USP45: variants seen among roughly 807,000 people sequenced by gnomAD.
USP45 encodes the protein ubiquitin specific peptidase 45.
USP45 carries 89 observed loss-of-function variants against 95.8 expected under a neutral mutation model. The observed-to-expected ratio is 0.93, with a 90% confidence interval of 0.78 to 1.11. The LOEUF is 1.11. Among genes scored for constraint, USP45 ranks in the 50% least tolerant of loss-of-function variants. USP45 has a pLI of 0.00. For synonymous variants in USP45, 281 were observed against 316.2 expected (o/e 0.89, Z 1.18); for missense variants, 898 against 942.5 (o/e 0.95, Z 0.62).
At chr6:99,466,289 G>C (rs889445064) in intron 11 of USP45, among the ~76,000 whole-genome samples, 5 of 152,076 alleles carry the variant, frequency 3.3e-5, no homozygotes, top group Non-Finnish European at 7.4e-5. Context: ...CAAAGTACTG[G>C]GATTATAGGC....
At chr6:99,499,816 T>A (rs1797019507) in intron 5 of USP45, among the ~76,000 whole-genome samples, 1 of 152,240 alleles carries the variant, frequency 6.6e-6, no homozygotes, top group Non-Finnish European at 1.5e-5. Flanking sequence ...TCATCCATGA[T>A]TCCTTTTTAG....
chr6:99,446,985 C>A (rs1418957560), intron 13 of USP45, among the ~76,000 whole-genome samples: 4 of 152,148 alleles, frequency 2.6e-5, no homozygotes, highest in South Asian at 2.1e-4. Flanking sequence ...CTCAAGCAAT[C>A]CTCCCACCTT....
upstream of USP45, among the ~76,000 whole-genome samples, chr6:99,516,068 C>G (rs1583537812): frequency 6.6e-6 from 1 of 152,134 alleles, no homozygotes; most frequent in Non-Finnish European, 1.5e-5. Flanking sequence ...TGAGCCACCG[C>G]GCCCGGCTCC....
chr6:99,462,462 A>AT (rs1786702622), intron 13 of USP45: 1 of 983,560 alleles, frequency 1.0e-6, no homozygotes, highest in Non-Finnish European at 1.2e-6. Context: ...ACACATTTAT[A>AT]TTTTAATAAC....
intron 7 of USP45, among the ~76,000 whole-genome samples, chr6:99,485,807 G>A (rs927060217): frequency 2.0e-5 from 3 of 152,112 alleles, no homozygotes; most frequent in Non-Finnish European, 4.4e-5. Context: ...TTTGTAACAA[G>A]AATACAGGAT....
intron 14 of USP45, among the ~76,000 whole-genome samples, chr6:99,444,368 TA>T (rs1266192403): frequency 6.6e-6 from 1 of 152,144 alleles, no homozygotes; most frequent in Non-Finnish European, 1.5e-5. Context: ...GCCAATTGCA[TA>T]TAGGTATTTC....
chr6:99,478,175 T>C (rs1358528945), intron 8 of USP45, among the ~76,000 whole-genome samples: 1 of 151,690 alleles, frequency 6.6e-6, no homozygotes, highest in Non-Finnish European at 1.5e-5. Context: ...AAAAACTATT[T>C]ACTGCCTTCT....
intron 13 of USP45, among the ~76,000 whole-genome samples, chr6:99,447,397 T>G (rs1283552042): frequency 1.3e-5 from 2 of 152,230 alleles, no homozygotes; most frequent in Admixed American, 6.5e-5. Flanking sequence ...AAAAGTGTCT[T>G]GCCTCAATTT....
At chr6:99,481,990 G>A (rs1792546733) in intron 8 of USP45, among the ~76,000 whole-genome samples, 1 of 151,802 alleles carries the variant, frequency 6.6e-6, no homozygotes, top group African/African-American at 2.4e-5. Flanking sequence ...CCTCTATTTT[G>A]GACTATATTT....
rs1182843932 is a variant in USP45, at chr6:99,446,080, C to A, written c.1692G>T (p.Leu564Phe). The stretch of plus-strand genomic sequence containing the variant: ...CTTGATCTCCAGTTACAGTGCTGCT[C>A]AAACGAAGTTCAGAAATAGCTTCTG... Reference protein sequence around the residue: ...EMAEAISELRLSSTVTGDQDF... With the variant: ...EMAEAISELRFSSTVTGDQDF... Residue 564 changes from leucine (L) to phenylalanine (F), a missense_variant, in exon 14 of 18, where the codon TTG (leucine) becomes TTT (phenylalanine). Coordinates refer to ENST00000500704, the MANE Select transcript of USP45 (RefSeq NM_001346022.3). 2 of 1,614,010 alleles carry A rather than the reference C, an allele frequency of 1.2e-6. No individual in the cohort carries two copies. Among genetic ancestry groups the A allele is most frequent in the African/African-American group, 1.3e-5 (1 of 75,048 alleles).
At chr6:99,472,212 CACTT>C (rs1789577990) in intron 9 of USP45, among the ~76,000 whole-genome samples, 6 of 131,862 alleles carry the variant, frequency 4.6e-5, no homozygotes, top group African/African-American at 1.7e-4. Flanking sequence ...CTTTTAACTT[CACTT>C]ACTAATTTTT....
chr6:99,469,004 T>A (rs1034295952), intron 9 of USP45, among the ~76,000 whole-genome samples: 3 of 152,174 alleles, frequency 2.0e-5, no homozygotes, highest in African/African-American at 7.2e-5. Context: ...ATAGACCATA[T>A]GAAATTTATT....
intron 14 of USP45, among the ~76,000 whole-genome samples, chr6:99,443,977 G>A (rs1252558981): frequency 5.9e-5 from 9 of 152,032 alleles, no homozygotes; most frequent in Admixed American, 5.9e-4. Context: ...CCAGAAGCAC[G>A]TGTAGTTGAA....
chr6:99,503,674 A>G, intron 5 of USP45, 91 bp downstream of exon 5: 1 of 857,192 alleles, frequency 1.2e-6, no homozygotes, highest in Non-Finnish European at 1.8e-6. Flanking sequence ...GGGCTGTCAC[A>G]GTAAAATCTA....
At chr6:99,456,858 C>CA (rs1327710437) in intron 13 of USP45, among the ~76,000 whole-genome samples, 1 of 152,216 alleles carries the variant, frequency 6.6e-6, no homozygotes, top group African/African-American at 2.4e-5. Flanking sequence ...GCTGGCGGAA[C>CA]AGAGCCATAT....
intron 4 of USP45, among the ~76,000 whole-genome samples, chr6:99,505,653 A>C (rs944314022): frequency 7.0e-4 from 106 of 152,122 alleles, no homozygotes; most frequent in Middle Eastern, 6.8e-3. Flanking sequence ...AAAAAAAAAA[A>C]AAAAAAACAT....
intron 9 of USP45, among the ~76,000 whole-genome samples, chr6:99,472,686 C>T (rs1387149351): frequency 6.6e-6 from 1 of 152,120 alleles, no homozygotes; most frequent in African/African-American, 2.4e-5. Context: ...CAAAAAGCAA[C>T]CTGTTCCCAC....
At chr6:99,454,549 TAAGGA>T (rs1330545582) in intron 13 of USP45, among the ~76,000 whole-genome samples, 1 of 152,042 alleles carries the variant, frequency 6.6e-6, no homozygotes, top group Non-Finnish European at 1.5e-5. Flanking sequence ...CTTCATCCTA[TAAGGA>T]ACTAATGTTA....
chr6:99,458,064 A>G (rs112484342), intron 13 of USP45, among the ~76,000 whole-genome samples: 1 of 152,196 alleles, frequency 6.6e-6, no homozygotes, highest in African/African-American at 2.4e-5. Flanking sequence ...TCTGTTGCCC[A>G]GGCTGGAGTG....
Sources: gnomAD v4.1 joint callset for allele counts (sites outside exome capture counted in the v4.1 genomes callset) on GRCh38, gnomAD v4.1.1 for gene constraint, MANE v1.5 for transcripts, NCBI Gene and HGNC (gene_info 2026-07-23, HGNC 2026-07-21) for gene names.